The following ISG20L2 variants were observed in gnomAD, a reference collection of about 807,000 sequenced individuals.
ISG20L2 encodes the protein interferon-stimulated 20 kDa exonuclease-like 2.
ISG20L2 carries 14 observed loss-of-function variants against 27.8 expected under a neutral mutation model. The observed-to-expected ratio is 0.50, with a 90% CI of 0.33 to 0.79. The LOEUF is 0.79. Ranked by LOEUF, ISG20L2 falls within the 30% of genes least tolerant of loss-of-function variation. The pLI is 0.02. For synonymous variants in ISG20L2, 157 were observed against 165.7 expected (o/e 0.95, Z 0.40); for missense variants, 393 against 435.1 (o/e 0.90, Z 0.86).
chr1:156,727,820 A>G, intron 1 of ISG20L2, 51 bp from the exon 2 acceptor site: 1 of 1,443,394 alleles, frequency 6.9e-7, no homozygotes, highest in Non-Finnish European at 9.1e-7. Context: ...TGGGAGAAAA[A>G]TGAGGTAAGC....
chr1:156,727,558 C>T lies in ISG20L2; in HGVS notation c.95G>A (p.Arg32Gln), dbSNP rs1360846528. ...NAKHRNFVKK[R>Q]RLLERRGFLS... ...AAAGCCTCTCCGTTCTAAGAGCCTC[C>T]GCTTCTTGACAAAATTTCGGTGCTT... Residue 32 changes from arginine (R) to glutamine (Q), a missense_variant, in exon 2 of 4, where the codon CGG becomes CAG. By Grantham distance (43) the Arg-to-Gln change is conservative. Around this residue, in one of 3 missense-constraint regions of ISG20L2, gnomAD observed 183 missense variants for 168.2 expected, o/e 1.09. Coordinates refer to ENST00000368219, the MANE Select transcript of ISG20L2 (RefSeq NM_001370150.2). The T allele has an allele frequency of 4.3e-6, 7 of 1,614,196 alleles. No individual in the cohort carries two copies. Among genetic ancestry groups the T allele is most frequent in the Middle Eastern group, 1.6e-4 (1 of 6,062 alleles).
Position 156,726,310 on chromosome 1 carries a change from C to CA in ISG20L2, c.747+595dup, listed in dbSNP as rs1440863917. On this transcript the variant is annotated intron_variant, in intron 2 of 3. Transcript: ENST00000368219. Reference sequence around the variant, plus strand: ...TCCAACTCGCAAGGTTTTTCCAAATCAAGCCCTTTCTCCTGACACTGGTGT... The same window carrying CA: ...TCCAACTCGCAAGGTTTTTCCAAATCAAAGCCCTTTCTCCTGACACTGGTGT... 1.3e-4 allele frequency: 127 copies of CA among 985,336 alleles called. 1 individual carries two copies. Among genetic ancestry groups the CA allele is most frequent in the African/African-American group, 5.2e-5 (3 of 57,230 alleles). The allele number at this position is 985,336 out of a possible 1,614,324, so 61.0% of individuals were successfully genotyped here.
rs559523905 is a variant in ISG20L2, at chr1:156,727,207, T to C, written c.446A>G (p.Asn149Ser). Residue 149 changes from asparagine (N) to serine (S), a missense_variant, in exon 2 of 4, where the codon AAC becomes AGC. Physicochemically the swap from Asn to Ser is conservative, Grantham distance 46. Coordinates refer to ENST00000368219, the MANE Select transcript of ISG20L2 (RefSeq NM_001370150.2). ...CTGTGGGGCATTCTTCTGAGGATGG[T>C]TCTTTTTAGAGGATTTCTTCTGGGA... is the stretch of plus-strand genomic sequence containing the variant. Reference protein sequence around the residue: ...KSSQKKSSKKNHPQKNAPQNS... With the variant: ...KSSQKKSSKKSHPQKNAPQNS... The C allele has an allele frequency of 4.3e-5, 69 of 1,613,976 alleles. No homozygotes were observed. In the Middle Eastern group the frequency reaches 1.2e-3, roughly 27 times the overall value.
intron 2 of ISG20L2, chr1:156,724,933 A>C (rs115689480): frequency 0.011 from 1,731 of 152,726 alleles, 31 homozygotes; most frequent in African/African-American, 0.04. Flanking sequence ...AAATAAAAAT[A>C]ACTTCTCAAT....
chr1:156,724,850 T>A, intron 2 of ISG20L2: 1 of 216,634 alleles, frequency 4.6e-6, no homozygotes, highest in Non-Finnish European at 7.9e-6. Context: ...CTACAAACCG[T>A]AAAAAATTAA....
In ISG20L2 at chr1:156,727,099, TCA is replaced by T; in HGVS notation, c.552_553del (p.Cys184Ter). ...CCCCTTTGGTCCTGTGCCCACCATCTCACAGTCAATTGCCACCATCTTCCGTG... is the reference window on the plus strand; with the variant it reads ...CCCCTTTGGTCCTGTGCCCACCATCTCAGTCAATTGCCACCATCTTCCGTG... On this transcript the variant is annotated stop_gained and frameshift_variant, in exon 2 of 4. Transcript: ENST00000368219. LOFTEE classifies it high-confidence loss of function. The T allele has an allele frequency of 6.2e-7, 1 of 1,614,214 alleles. No individual in the cohort carries two copies. Among genetic ancestry groups the T allele is most frequent in the Non-Finnish European group, 8.5e-7 (1 of 1,180,042 alleles).
Position 156,723,263 on chromosome 1 carries a change from G to T in ISG20L2, c.*86C>A. ...CAAATCTAGCTTCCAAAGATGTGGA[G>T]CTGGTGGAGCTGTCCATTGGTCCAC... On this transcript the variant is annotated 3_prime_UTR_variant, in exon 4 of 4. Coordinates refer to ENST00000368219, the MANE Select transcript of ISG20L2 (RefSeq NM_001370150.2). 1 of 1,492,648 alleles carries T rather than the reference G, an allele frequency of 6.7e-7. No individual in the cohort carries two copies. The allele number at this position is 1,492,648 out of a possible 1,614,324, so 92.5% of individuals were successfully genotyped here. A position where few individuals can be genotyped will look rare whatever the true frequency, so the allele number is the denominator to read the frequency against.
chr1:156,727,425 G>A lies in ISG20L2; in HGVS notation c.228C>T (p.Phe76=). ...TVDGTWKTPS[F]PKKKTAASSN... is the part of the protein sequence containing the mutation. ...TGGAAGCAGCTGTCTTCTTTTTTGG[G>A]AAGGAAGGGGTCTTCCAAGTGCCAT... The change falls in exon 2 of 4, where the codon TTC becomes TTT. Residue 76 remains phenylalanine (F), a synonymous_variant. Transcript: ENST00000368219. 6.2e-7 allele frequency: 1 copy of A among 1,613,984 alleles called. No homozygotes were observed. Among genetic ancestry groups the A allele is most frequent in the Non-Finnish European group, 8.5e-7 (1 of 1,179,976 alleles).
chr1:156,725,961 AG>A (rs1160148048), intron 2 of ISG20L2: 1 of 985,408 alleles, frequency 1.0e-6, no homozygotes, highest in Non-Finnish European at 1.2e-6. Flanking sequence ...ACGTGGACCA[AG>A]GGCGCCCTCT....
chr1:156,724,265 C>G lies in ISG20L2; in HGVS notation c.831G>C (p.Lys277Asn), dbSNP rs776973833. 2.5e-6 allele frequency: 4 copies of G among 1,614,040 alleles called. No homozygotes were observed. Among genetic ancestry groups the G allele is most frequent in the Non-Finnish European group, 3.4e-6 (4 of 1,179,990 alleles). Residue 277 changes from lysine (K) to asparagine (N), a missense_variant, in exon 3 of 4, where the codon AAG (lysine) becomes AAC (asparagine). Physicochemically the swap from Lys to Asn is moderately conservative, Grantham distance 94. Transcript: ENST00000368219. ...DFKALQYFHP[K>N]SLTRDTSHIP... Reference sequence around the variant, plus strand: ...TATGGGAGGTGTCACGGGTGAGGGACTTGGGGTGAAAGTACTGAAGGGCTT... The same window carrying G: ...TATGGGAGGTGTCACGGGTGAGGGAGTTGGGGTGAAAGTACTGAAGGGCTT...
At chr1:156,723,647 G>T in intron 3 of ISG20L2, 185 bp from the exon 4 acceptor site, 3 of 985,342 alleles carry the variant, frequency 3.0e-6, no homozygotes, top group Non-Finnish European at 3.6e-6. Flanking sequence ...CAACTCCTAG[G>T]AAGTCTTTGC....
At position 156,728,722 on chromosome 1, in the gene ISG20L2, C is replaced by G. The variant is rs567569258; in HGVS notation, c.-425G>C. On this transcript the variant is annotated 5_prime_UTR_variant, in exon 1 of 4. Transcript: ENST00000368219. ...GGCCGCGATAAACCGGAACTGCAGC[C>G]CGCCGGACACCTCCGGCTTCACTTC... The G allele has an allele frequency of 7.0e-6, 7 of 997,746 alleles. No homozygotes were observed. Among genetic ancestry groups the G allele is most frequent in the Admixed American group, 6.1e-5 (1 of 16,504 alleles). 61.8% of individuals were successfully genotyped at this position (997,746 alleles called of 1,614,324 possible).
At chr1:156,728,249 T>A (rs1406685005) in intron 1 of ISG20L2, 166 bp downstream of exon 1, 2 of 986,028 alleles carry the variant, frequency 2.0e-6, no homozygotes, top group Non-Finnish European at 2.4e-6. Flanking sequence ...CAGGCCGGAA[T>A]TGGGGGCAAT....
At chr1:156,723,632 G>A in intron 3 of ISG20L2, 170 bp from the exon 4 acceptor site, 1 of 985,296 alleles carries the variant, frequency 1.0e-6, no homozygotes, top group Non-Finnish European at 1.2e-6. Context: ...GTAATTTCAG[G>A]GGTTCAACTC....
rs759012000 is a variant in ISG20L2 at position 156,727,469 on chromosome 1, C to G, written c.184G>C (p.Gly62Arg). 8.7e-6 allele frequency: 14 copies of G among 1,613,952 alleles called. No homozygotes were observed. Among genetic ancestry groups the G allele is most frequent in the Non-Finnish European group, 1.2e-5 (14 of 1,179,978 alleles). The change falls in exon 2 of 4, where the codon GGG (glycine) becomes CGG (arginine). Residue 62 changes from glycine (G) to arginine (R), a missense_variant. Gly to Arg is a moderately radical substitution (Grantham distance 125). Transcript: ENST00000368219. ...GTGCCATCGACCGTAGGAGTTTCCCCTTTCTTTGAAGGTTCAGAGTGCAAC... is the reference window on the plus strand; with the variant it reads ...GTGCCATCGACCGTAGGAGTTTCCCGTTTCTTTGAAGGTTCAGAGTGCAAC... ...PKLHSEPSKK[G>R]ETPTVDGTWK... is the part of the protein sequence containing the mutation.
At position 156,728,582 on chromosome 1, in the gene ISG20L2, G is replaced by A; in HGVS notation, c.-285C>T. On this transcript the variant is annotated 5_prime_UTR_variant, in exon 1 of 4. Transcript: ENST00000368219. ...CAGGTAGTGAGGCCAGTGATTCCGA[G>A]TGTGTGAGGAGCGGCAGTGGCGGCG... is the stretch of plus-strand genomic sequence containing the variant. The A allele has an allele frequency of 2.0e-6, 2 of 985,384 alleles. No individual in the cohort carries two copies. Among genetic ancestry groups the A allele is most frequent in the South Asian group, 4.6e-5 (1 of 21,726 alleles). 61.0% of individuals were successfully genotyped at this position (985,384 alleles called of 1,614,324 possible).
At chr1:156,724,071 C>G in intron 3 of ISG20L2, 77 bp downstream of exon 3, 1 of 1,353,832 alleles carries the variant, frequency 7.4e-7, no homozygotes, top group Non-Finnish European at 1.1e-6. Context: ...CACAGGACTT[C>G]TGAGATCAGA....
intron 3 of ISG20L2, chr1:156,723,919 T>G: frequency 2.3e-6 from 3 of 1,316,322 alleles, no homozygotes; most frequent in Non-Finnish European, 2.9e-6. Flanking sequence ...TCTTCCTTAG[T>G]TAGGGTTTTA....
rs1365290014 is a variant in ISG20L2, at chr1:156,728,469, G to C, written c.-172C>G. 2.0e-6 allele frequency: 2 copies of C among 985,570 alleles called. No homozygotes were observed. The highest frequency in any genetic ancestry group is 2.4e-6 in the Non-Finnish European group (2 of 829,976). The allele number at this position is 985,570 out of a possible 1,614,324, so 61.1% of individuals were successfully genotyped here. A position where few individuals can be genotyped will look rare whatever the true frequency, so the allele number is the denominator to read the frequency against. ...GCGTCCGGAGCCGGATGCGGAAATC[G>C]GTGCGCGCCGACGAAGCCCGGGAAG... On this transcript the variant is annotated 5_prime_UTR_variant, in exon 1 of 4. Coordinates refer to ENST00000368219, the MANE Select transcript of ISG20L2 (RefSeq NM_001370150.2).
Sources: allele counts gnomAD v4.1 joint callset, GRCh38; gene constraint gnomAD v4.1.1; regional missense constraint gnomAD v4.1.1; transcripts MANE v1.5; gene names NCBI Gene and HGNC (gene_info 2026-07-23, HGNC 2026-07-21).